The following MAP2 variants were observed in gnomAD, a reference collection of about 807,000 sequenced individuals.
MAP2 encodes the protein microtubule associated protein 2.
Under a neutral mutation model 137.6 loss-of-function variants are expected in MAP2, and 14 were observed. That is an observed-to-expected ratio of 0.10 (90% confidence interval 0.07 to 0.16). The LOEUF (loss-of-function observed/expected upper bound fraction) is 0.16, where lower values mean the gene tolerates loss of function less well. Ranked by LOEUF, MAP2 falls within the 10% of genes least tolerant of loss-of-function variation. The pLI is 1.00. For synonymous variants in MAP2, 786 were observed against 782.3 expected, an observed-to-expected ratio of 1.00 and a Z score of -0.08; for missense variants, 2,088 against 2,191.5, an observed-to-expected ratio of 0.95 and a Z score of 0.94.
intron 2 of MAP2, among the ~76,000 whole-genome samples, chr2:209,522,959 A>G (rs1316290603): frequency 6.6e-6 from 1 of 152,166 alleles, no homozygotes; most frequent in Non-Finnish European, 1.5e-5. Context: ...ATGGTTGCCA[A>G]TATTGGTCTT....
At chr2:209,589,468 C>G (rs1187470772) in intron 3 of MAP2, among the ~76,000 whole-genome samples, 2 of 152,136 alleles carry the variant, frequency 1.3e-5, no homozygotes, top group South Asian at 4.1e-4. Context: ...TTTAATAATG[C>G]ACTGACTTGA....
At chr2:209,638,334 A>G (rs1005907897) in intron 4 of MAP2, among the ~76,000 whole-genome samples, 18 of 152,230 alleles carry the variant, frequency 1.2e-4, no homozygotes, top group African/African-American at 3.8e-4. Context: ...TTCAGATGAC[A>G]AGGATTCTCT....
intron 2 of MAP2, among the ~76,000 whole-genome samples, chr2:209,511,020 G>A (rs1041213246): frequency 1.3e-5 from 2 of 152,086 alleles, no homozygotes; most frequent in Non-Finnish European, 2.9e-5. Flanking sequence ...ATGAGGTGCA[G>A]TAGCTTTTCT....
At chr2:209,565,755 C>T (rs2073265173) in intron 2 of MAP2, among the ~76,000 whole-genome samples, 1 of 152,182 alleles carries the variant, frequency 6.6e-6, no homozygotes, top group African/African-American at 2.4e-5. Flanking sequence ...TTCATCCTCT[C>T]TAGTACAAAA....
At chr2:209,665,866 T>G (rs1008834433) in intron 5 of MAP2, among the ~76,000 whole-genome samples, 57 of 152,172 alleles carry the variant, frequency 3.7e-4, no homozygotes, top group Admixed American at 6.5e-5. Flanking sequence ...TTCTTTTCCT[T>G]TGACATATTT....
intron 13 of MAP2, among the ~76,000 whole-genome samples, chr2:209,713,411 C>T (rs1016302170): frequency 6.6e-6 from 1 of 152,052 alleles, no homozygotes; most frequent in African/African-American, 2.4e-5. Flanking sequence ...CACATCAATG[C>T]CTAATGGAAT....
chr2:209,468,309 T>C (rs999047010), intron 1 of MAP2, among the ~76,000 whole-genome samples: 1 of 143,946 alleles, frequency 6.9e-6, no homozygotes. Flanking sequence ...TTTTTCAGTT[T>C]AGTGTTTCTT....
chr2:209,713,042 C>G (rs11693208), intron 13 of MAP2, among the ~76,000 whole-genome samples: 149,001 of 152,260 alleles, frequency 0.98, 72,993 homozygotes, highest in East Asian at 1. Context: ...TCTAGGAATT[C>G]AGAAAAATAT....
chr2:209,437,228 G>A (rs969346042), intron 1 of MAP2, among the ~76,000 whole-genome samples: 16 of 151,588 alleles, frequency 1.1e-4, no homozygotes, highest in Non-Finnish European at 4.4e-5. Context: ...TTCACTGTTC[G>A]TTATCACAAA....
intron 2 of MAP2, among the ~76,000 whole-genome samples, chr2:209,528,792 A>G (rs2064543201): frequency 6.8e-6 from 1 of 148,112 alleles, no homozygotes; most frequent in Admixed American, 6.7e-5. Flanking sequence ...GTATGTATAT[A>G]TGTACATGTA....
chr2:209,692,476 A>G (rs912510476), intron 7 of MAP2, 149 bp from the exon 8 acceptor site: 4 of 764,996 alleles, frequency 5.2e-6, no homozygotes, highest in Non-Finnish European at 7.9e-6. Context: ...ACCTTTTCAT[A>G]TTGACTTTTA....
At chr2:209,684,310 G>T (rs1444111139) in intron 7 of MAP2, among the ~76,000 whole-genome samples, 1 of 152,128 alleles carries the variant, frequency 6.6e-6, no homozygotes, top group African/African-American at 2.4e-5. Context: ...TAATCATCGC[G>T]CATCTGAAAG....
chr2:209,501,712 G>A (rs1463427808), intron 1 of MAP2, among the ~76,000 whole-genome samples: 4 of 152,178 alleles, frequency 2.6e-5, no homozygotes, highest in Non-Finnish European at 5.9e-5. Flanking sequence ...GATGTTCACA[G>A]TGAGGACTGA....
At chr2:209,661,674 A>G (rs905805365) in intron 5 of MAP2, 3 of 985,336 alleles carry the variant, frequency 3.0e-6, no homozygotes, top group South Asian at 9.4e-5. Context: ...AGGCAGTTCC[A>G]CGAGGTTTGT....
Position 209,641,308 on chromosome 2 carries a change from C to T in MAP2, c.-29-11834C>T, listed in dbSNP as rs1360588566. Reference sequence around the variant, plus strand: ...GACAGGTCTTGAATCAGATTCCACACTGGAAAAAGTTTAAAACAAAATACA... The same window carrying T: ...GACAGGTCTTGAATCAGATTCCACATTGGAAAAAGTTTAAAACAAAATACA... On this transcript the variant is annotated intron_variant, in intron 4 of 15. Coordinates refer to ENST00000682079, the MANE Select transcript of MAP2 (RefSeq NM_001375505.1). 3.3e-5 allele frequency among the ~76,000 whole-genome samples: 5 copies of T among 152,128 alleles called. No homozygotes were observed. The South Asian group carries it at 6.2e-4, about 19-fold the overall frequency.
chr2:209,625,639 C>T (rs1411970493), intron 4 of MAP2, among the ~76,000 whole-genome samples: 1 of 152,114 alleles, frequency 6.6e-6, no homozygotes, highest in Non-Finnish European at 1.5e-5. Flanking sequence ...GGACAGAACA[C>T]CAGCCCCAGC....
At chr2:209,640,847 T>C (rs2093965926) in intron 4 of MAP2, among the ~76,000 whole-genome samples, 1 of 151,682 alleles carries the variant, frequency 6.6e-6, no homozygotes, top group African/African-American at 2.4e-5. Flanking sequence ...TGAATTTATG[T>C]TCTAATACAT....
rs1053224553 is a variant in MAP2 at position 209,730,025 on chromosome 2, C to T, written c.5268+63C>T. ...AAAAAAATTCTTCTGAAATACTCTT[C>T]ATCAAAATAGGTCCCAGATTGTAGA... On this transcript the variant is annotated intron_variant, in intron 15 of 15. Coordinates refer to ENST00000682079, the MANE Select transcript of MAP2 (RefSeq NM_001375505.1). 2.9e-5 allele frequency: 37 copies of T among 1,298,124 alleles called. 2 individuals are homozygous for T. In the South Asian group the frequency reaches 4.5e-4, roughly 16 times the overall value. The allele number at this position is 1,298,124 out of a possible 1,614,324, so 80.4% of individuals were successfully genotyped here.
intron 5 of MAP2, among the ~76,000 whole-genome samples, chr2:209,656,530 A>C (rs745557319): frequency 1.3e-5 from 2 of 151,852 alleles, no homozygotes; most frequent in Admixed American, 6.6e-5. Context: ...TAATAATAAT[A>C]ATCTAGATTT....
Sources: gnomAD v4.1 joint callset for allele counts (sites outside exome capture counted in the v4.1 genomes callset) on GRCh38, gnomAD v4.1.1 for gene constraint, MANE v1.5 for transcripts, NCBI Gene and HGNC (gene_info 2026-07-23, HGNC 2026-07-21) for gene names.